The following RPS6KA3 variants were observed in gnomAD, a reference collection of about 807,000 sequenced individuals.
RPS6KA3 encodes the protein ribosomal protein S6 kinase alpha-3.
In RPS6KA3, 4 loss-of-function variants were observed where a neutral mutation model predicts 67.2. The observed-to-expected ratio is 0.06, with a 90% CI of 0.03 to 0.14. The LOEUF is 0.14. Ranked by LOEUF, RPS6KA3 falls within the 10% of genes least tolerant of loss-of-function variation. The pLI is 1.00. For missense variants in RPS6KA3, 204 were observed against 559.0 expected, an observed-to-expected ratio of 0.36 and a Z score of 6.40; for synonymous variants, 182 against 183.7, an observed-to-expected ratio of 0.99 and a Z score of 0.07.
At chrX:20,194,964 C>A in intron 5 of RPS6KA3, 101 bp downstream of exon 5, 1 of 499,542 alleles carries the variant, frequency 2.0e-6, no homozygotes, top group South Asian at 3.2e-5. Flanking sequence ...ATCTGCTAAC[C>A]ACATACAAAT....
chrX:20,208,887 G>A (rs183850752), intron 3 of RPS6KA3, among the ~76,000 whole-genome samples: 12 of 111,534 alleles, frequency 1.1e-4, no homozygotes, highest in Admixed American at 7.6e-4. Context: ...CTTTGGGAGC[G>A]TCACTCACTT....
chrX:20,186,407 T>C (rs1212786998), intron 9 of RPS6KA3, 41 bp from the exon 10 acceptor site: 14 of 848,309 alleles, frequency 1.7e-5, no homozygotes, highest in South Asian at 4.2e-5. Flanking sequence ...AGTCAATAAA[T>C]ATAAAATCTG....
chrX:20,172,876 A>C lies in RPS6KA3; in HGVS notation c.1228-5T>G, dbSNP rs2067606240. The C allele has an allele frequency of 8.3e-7, 1 of 1,200,960 alleles. No homozygotes were observed. Among genetic ancestry groups the C allele is most frequent in the South Asian group, 1.8e-5 (1 of 56,575 alleles). On this transcript the variant is annotated splice_region_variant and splice_polypyrimidine_tract_variant and intron_variant, in intron 14 of 21. Transcript: ENST00000379565. ...AATACTGTTCCTGTGTAACTGCTACAAAAAATTATAAATTGGTGAAGAGTC... is the reference window on the plus strand; with the variant it reads ...AATACTGTTCCTGTGTAACTGCTACCAAAAATTATAAATTGGTGAAGAGTC...
chrX:20,245,371 A>AT (rs1459221952), intron 1 of RPS6KA3, among the ~76,000 whole-genome samples: 1 of 112,173 alleles, frequency 8.9e-6, no homozygotes, highest in Non-Finnish European at 1.9e-5. Context: ...CCACTTCTGC[A>AT]TTTAGAATAG....
chrX:20,251,955 A>G (rs1458668102), intron 1 of RPS6KA3, among the ~76,000 whole-genome samples: 1 of 111,952 alleles, frequency 8.9e-6, no homozygotes, highest in Admixed American at 9.4e-5. Context: ...CTCTGATGAC[A>G]TAAATGTTAA....
At chrX:20,263,852 T>C (rs1380348356) in intron 1 of RPS6KA3, among the ~76,000 whole-genome samples, 1 of 111,434 alleles carries the variant, frequency 9.0e-6, no homozygotes, top group Non-Finnish European at 1.9e-5. Flanking sequence ...CTTTCAAGAA[T>C]TCACAGTGTA....
At position 20,152,601 on chromosome X, in the gene RPS6KA3, T is replaced by G. The variant is rs781262903; in HGVS notation, c.*2797A>C. 3.6e-5 allele frequency: 4 copies of G among 112,236 alleles called. No homozygotes were observed. Among genetic ancestry groups the G allele is most frequent in the Non-Finnish European group, 5.6e-5 (3 of 53,234 alleles). The allele number at this position is 112,236 out of a possible 1,213,427, so 9.2% of individuals were successfully genotyped here. A position where few individuals can be genotyped will look rare whatever the true frequency, so the allele number is the denominator to read the frequency against. ...AATACCACAACTGTAGGGGCCTGAATAATTGATGTTGAGAAATTAATGGAA... is the reference window on the plus strand; with the variant it reads ...AATACCACAACTGTAGGGGCCTGAAGAATTGATGTTGAGAAATTAATGGAA... On this transcript the variant is annotated 3_prime_UTR_variant, in exon 22 of 22. Transcript: ENST00000379565.
At chrX:20,256,085 G>C in intron 1 of RPS6KA3, among the ~76,000 whole-genome samples, 1 of 102,395 alleles carries the variant, frequency 9.8e-6, no homozygotes, top group Non-Finnish European at 2.0e-5. Context: ...ACTCCAGCCT[G>C]GGTGACAGAG....
At chrX:20,236,457 C>T (rs2069413933) in intron 1 of RPS6KA3, among the ~76,000 whole-genome samples, 2 of 111,697 alleles carry the variant, frequency 1.8e-5, no homozygotes, top group Non-Finnish European at 3.8e-5. Context: ...TCATACTTCA[C>T]ATGAGGCAGC....
chrX:20,156,439 T>G (rs1444777366), intron 20 of RPS6KA3, among the ~76,000 whole-genome samples, 190 bp from the exon 21 acceptor site: 2 of 111,833 alleles, frequency 1.8e-5, no homozygotes, highest in African/African-American at 6.5e-5. Context: ...TAACTGTAAT[T>G]TGGTGCATCA....
intron 8 of RPS6KA3, 99 bp downstream of exon 8, chrX:20,188,398 A>T (rs1037001202): frequency 2.0e-6 from 1 of 495,336 alleles, no homozygotes; most frequent in African/African-American, 2.4e-5. Flanking sequence ...TTTAATTTTA[A>T]TACAGTGTAT....
intron 16 of RPS6KA3, among the ~76,000 whole-genome samples, chrX:20,168,095 C>T (rs781371462): frequency 1.8e-5 from 2 of 112,174 alleles, no homozygotes; most frequent in African/African-American, 3.2e-5. Context: ...GTTTTGACAA[C>T]CCCCAGATAA....
chrX:20,249,140 G>A (rs907684359), intron 1 of RPS6KA3, among the ~76,000 whole-genome samples: 1 of 111,801 alleles, frequency 8.9e-6, no homozygotes, highest in Non-Finnish European at 1.9e-5. Flanking sequence ...TGTGTGTATC[G>A]ACAATTCATT....
intron 17 of RPS6KA3, among the ~76,000 whole-genome samples, chrX:20,166,232 G>A (rs2067432984): frequency 8.9e-6 from 1 of 111,873 alleles, no homozygotes; most frequent in South Asian, 3.7e-4. Flanking sequence ...CTGAGTCTGT[G>A]TTCCAATCAA....
intron 2 of RPS6KA3, among the ~76,000 whole-genome samples, chrX:20,226,221 G>A (rs916355830): frequency 9.0e-6 from 1 of 111,468 alleles, no homozygotes; most frequent in Non-Finnish European, 1.9e-5. Flanking sequence ...TCTAAGATAC[G>A]GGAGACAGGC....
intron 18 of RPS6KA3, among the ~76,000 whole-genome samples, chrX:20,163,296 A>ACTT (rs1233731551): frequency 9.0e-6 from 1 of 111,677 alleles, no homozygotes; most frequent in Non-Finnish European, 1.9e-5. Flanking sequence ...ACTGAAGATA[A>ACTT]CTTTCTTATT....
At chrX:20,217,081 TAA>T (rs1233600251) in intron 2 of RPS6KA3, among the ~76,000 whole-genome samples, 1 of 112,079 alleles carries the variant, frequency 8.9e-6, no homozygotes, top group African/African-American at 3.2e-5. Context: ...TACAATTCTG[TAA>T]AGAGTGTCAT....
At chrX:20,194,952 A>G in intron 5 of RPS6KA3, 113 bp downstream of exon 5, 1 of 465,140 alleles carries the variant, frequency 2.1e-6, no homozygotes, top group East Asian at 3.8e-5. Context: ...ATTACTATAT[A>G]GATCTGCTAA....
intron 8 of RPS6KA3, 145 bp from the exon 9 acceptor site, chrX:20,188,115 C>A: frequency 1.8e-6 from 1 of 557,661 alleles, no homozygotes; most frequent in Non-Finnish European, 2.9e-6. Flanking sequence ...GCTCTGTCAC[C>A]CAGGCTGGAG....
Sources: gnomAD v4.1 joint callset for allele counts (sites outside exome capture counted in the v4.1 genomes callset) on GRCh38, gnomAD v4.1.1 for gene constraint, MANE v1.5 for transcripts, NCBI Gene and HGNC (gene_info 2026-07-23, HGNC 2026-07-21) for gene names.